ZNF730: variants seen among roughly 807,000 people sequenced by gnomAD.
The protein encoded by ZNF730 is zinc finger protein 730, also known as putative zinc finger protein 730.
Under a neutral mutation model 12.6 loss-of-function variants are expected in ZNF730, and 12 were observed. The observed-to-expected ratio is 0.95, with a 90% CI of 0.61 to 1.54. The LOEUF is 1.54. Ranked by LOEUF, ZNF730 falls within the 40% of genes most tolerant of loss-of-function variation. ZNF730 has a pLI of 0.00. For synonymous variants in ZNF730, 194 were observed against 195.8 expected, an observed-to-expected ratio of 0.99 and a Z score of 0.08; for missense variants, 643 against 583.5, an observed-to-expected ratio of 1.10 and a Z score of -1.05.
intron 1 of ZNF730, among the ~76,000 whole-genome samples, chr19:23,106,089 G>A (rs895129794): frequency 2.0e-5 from 3 of 151,930 alleles, no homozygotes; most frequent in African/African-American, 7.3e-5. Context: ...TTGAGTCAGG[G>A]ATTTTAAGAG....
At chr19:23,088,158 T>A (rs1346521333) in intron 1 of ZNF730, among the ~76,000 whole-genome samples, 1 of 152,018 alleles carries the variant, frequency 6.6e-6, no homozygotes, top group Non-Finnish European at 1.5e-5. Context: ...CAGCTGGGAT[T>A]ACAGGTGCCC....
At chr19:23,127,527 T>C in intron 1 of ZNF730, 1 of 921,380 alleles carries the variant, frequency 1.1e-6, no homozygotes, top group South Asian at 1.3e-5. Context: ...GGTGGAATGA[T>C]GTAACCTGCA....
chr19:23,081,599 T>C (rs1969967992), intron 1 of ZNF730, among the ~76,000 whole-genome samples: 1 of 151,714 alleles, frequency 6.6e-6, no homozygotes, highest in South Asian at 2.1e-4. Flanking sequence ...GGACTACAGG[T>C]GTGAGCCACT....
intron 1 of ZNF730, among the ~76,000 whole-genome samples, chr19:23,125,296 A>C (rs191514402): frequency 6.6e-6 from 1 of 152,198 alleles, no homozygotes; most frequent in Non-Finnish European, 1.5e-5. Context: ...GAAAATGTGC[A>C]TGTGACTTTG....
chr19:23,146,311 C>T lies in ZNF730; in HGVS notation c.1267C>T (p.Pro423Ser), dbSNP rs1175915210. 40 of 1,613,296 alleles carry T rather than the reference C, an allele frequency of 2.5e-5. No homozygotes were observed. Among genetic ancestry groups the T allele is most frequent in the Non-Finnish European group, 3.3e-5 (39 of 1,179,646 alleles). The change falls in exon 4 of 4, where the codon CCC (proline) becomes TCC (serine). Residue 423 changes from proline to serine, a missense_variant. Physicochemically the swap from Pro to Ser is moderately conservative, Grantham distance 74. Coordinates refer to ENST00000597761, the MANE Select transcript of ZNF730 (RefSeq NM_001277403.2). The stretch of plus-strand genomic sequence containing the variant: ...TAAGAGAATTCATACTGGAGAGAAA[C>T]CCTACAAATGTGAAGAATGTGGCAG... ...THKRIHTGEK[P>S]YKCEECGRAF...
rs527340297 is a variant in ZNF730, at chr19:23,117,809, C to T, written c.3+633C>T. ...GGTTATGTAATCAGAGCTTAATAGG[C>T]AGTTTATAGTTTGTTACGCCTAAAT... On this transcript the variant is annotated intron_variant, in intron 1 of 3. Coordinates refer to ENST00000597761, the MANE Select transcript of ZNF730 (RefSeq NM_001277403.2). 2.8e-4 allele frequency among the ~76,000 whole-genome samples: 42 copies of T among 152,218 alleles called. 2 individuals are homozygous for T. The South Asian group carries it at 8.5e-3, about 31-fold the overall frequency.
chr19:23,119,329 C>T (rs902618049), intron 1 of ZNF730, among the ~76,000 whole-genome samples: 1 of 152,176 alleles, frequency 6.6e-6, no homozygotes. Context: ...TCTGATTAAT[C>T]AAACATATTG....
intron 1 of ZNF730, among the ~76,000 whole-genome samples, chr19:23,129,983 G>A (rs867225450): frequency 2.9e-5 from 4 of 139,696 alleles, no homozygotes; most frequent in Middle Eastern, 3.6e-3. Context: ...GCTGGAGCGA[G>A]ACTCCGCCTC....
intron 1 of ZNF730, among the ~76,000 whole-genome samples, chr19:23,076,815 A>G (rs1969870026): frequency 6.6e-6 from 1 of 152,174 alleles, no homozygotes; most frequent in Non-Finnish European, 1.5e-5. Flanking sequence ...ATACCATTCA[A>G]CCTAGCAATC....
In ZNF730 at chr19:23,146,850, C is replaced by A; in HGVS notation, c.*294C>A. 1.3e-6 allele frequency: 1 copy of A among 758,210 alleles called. No individual in the cohort carries two copies. Among genetic ancestry groups the A allele is most frequent in the Non-Finnish European group, 2.3e-6 (1 of 435,732 alleles). 47.0% of individuals were successfully genotyped at this position (758,210 alleles called of 1,614,324 possible). A position where few individuals can be genotyped will look rare whatever the true frequency, so the allele number is the denominator to read the frequency against. On this transcript the variant is annotated 3_prime_UTR_variant, in exon 4 of 4. Transcript: ENST00000597761. ...CAAAGCCTTTAACAAATCCTTAATT[C>A]TTAACAGACATGATTCATACCAGAG... is the stretch of plus-strand genomic sequence containing the variant.
At chr19:23,107,212 A>G (rs1970402805) in intron 1 of ZNF730, among the ~76,000 whole-genome samples, 1 of 151,362 alleles carries the variant, frequency 6.6e-6, no homozygotes, top group Non-Finnish European at 1.5e-5. Flanking sequence ...ACAGGTGTGT[A>G]CCAACTCACC....
At position 23,146,096 on chromosome 19, in the gene ZNF730, G is replaced by C. The variant is rs61741847; in HGVS notation, c.1052G>C (p.Arg351Pro). The change falls in exon 4 of 4, where the codon CGA (arginine) becomes CCA (proline). Residue 351 changes from arginine to proline, a missense_variant. Coordinates refer to ENST00000597761, the MANE Select transcript of ZNF730 (RefSeq NM_001277403.2). Reference protein sequence around the residue: ...KCEECGKAFNRSSTLNRHKIT... With the variant: ...KCEECGKAFNPSSTLNRHKIT... ...GAAGAATGTGGCAAAGCTTTTAACC[G>C]ATCCTCAACCCTTAATAGACATAAG... 50 of 1,609,752 alleles carry C rather than the reference G, an allele frequency of 3.1e-5. No homozygotes were observed. Among genetic ancestry groups the C allele is most frequent in the Admixed American group, 2.0e-4 (12 of 59,650 alleles).
upstream of ZNF730, among the ~76,000 whole-genome samples, chr19:23,114,840 G>A (rs986770224): frequency 3.3e-5 from 5 of 152,080 alleles, no homozygotes; most frequent in African/African-American, 1.2e-4. Flanking sequence ...GGAGTGTAGT[G>A]GTGTAATCAA....
intron 1 of ZNF730, among the ~76,000 whole-genome samples, chr19:23,118,329 A>C (rs564286512): frequency 1.0e-3 from 149 of 149,000 alleles, no homozygotes; most frequent in African/African-American, 3.6e-3. Context: ...AGGCACAGAG[A>C]TCTTGTGAAA....
At position 23,136,020 on chromosome 19, in the gene ZNF730, A is replaced by G. The variant is rs745417804; in HGVS notation, c.203A>G (p.His68Arg). ...QEKEPWNLKT[H>R]DMVAKPPVIC... is the part of the protein sequence containing the mutation. ...AAAGAGCCTTGGAATTTGAAGACAC[A>G]TGATATGGTAGCCAAACCCCCAGGT... The change falls in exon 3 of 4, where the codon CAT becomes CGT. Residue 68 changes from histidine to arginine, a missense_variant. Coordinates refer to ENST00000597761, the MANE Select transcript of ZNF730 (RefSeq NM_001277403.2). The G allele has an allele frequency of 3.8e-5, 61 of 1,605,750 alleles. No homozygotes were observed. The highest frequency in any genetic ancestry group is 4.4e-5 in the Non-Finnish European group (52 of 1,175,770).
upstream of ZNF730, among the ~76,000 whole-genome samples, chr19:23,113,204 A>C (rs764561969): frequency 6.6e-6 from 1 of 152,204 alleles, no homozygotes; most frequent in Non-Finnish European, 1.5e-5. Flanking sequence ...TTTGGTTAAA[A>C]TAAGTAGACT....
chr19:23,133,857 C>A (rs1222065114), intron 1 of ZNF730, among the ~76,000 whole-genome samples: 14 of 152,156 alleles, frequency 9.2e-5, no homozygotes. Context: ...GGAAAAGTAT[C>A]ATATAAATAC....
intron 1 of ZNF730, among the ~76,000 whole-genome samples, chr19:23,106,761 G>T (rs1461153565): frequency 6.8e-6 from 1 of 147,374 alleles, no homozygotes; most frequent in Admixed American, 6.9e-5. Flanking sequence ...TTGCACTCCA[G>T]CCTGGGCCAC....
At chr19:23,095,875 T>G (rs1970241888) in intron 1 of ZNF730, among the ~76,000 whole-genome samples, 4 of 152,298 alleles carry the variant, frequency 2.6e-5, no homozygotes, top group Middle Eastern at 6.8e-3. Flanking sequence ...TTACTGAGTT[T>G]AGCATACACA....
Sources: gnomAD v4.1 joint callset for allele counts (sites outside exome capture counted in the v4.1 genomes callset) on GRCh38, gnomAD v4.1.1 for gene constraint, MANE v1.5 for transcripts, NCBI Gene and HGNC (gene_info 2026-07-23, HGNC 2026-07-21) for gene names.